Variants in GRIN1 observed in about 807,000 individuals in gnomAD.
GRIN1 encodes glutamate ionotropic receptor NMDA type subunit 1, also known as glutamate receptor ionotropic, NMDA 1.
In GRIN1, 38 loss-of-function variants were observed where a neutral mutation model predicts 103.0. The observed-to-expected ratio is 0.37, with a 90% confidence interval of 0.28 to 0.48. The LOEUF is 0.48. GRIN1 is among the 20% of genes least tolerant of loss of function. The probability of loss-of-function intolerance (pLI) is 0.98; values close to 1 mark genes in which losing one functional copy is unlikely to be tolerated. For synonymous variants in GRIN1, 544 were observed against 532.7 expected (o/e 1.02, Z -0.29); for missense variants, 577 against 1,288.9 (o/e 0.45, Z 8.46).
At chr9:137,164,073 G>A (rs1465128798) in intron 18 of GRIN1, 169 bp downstream of exon 18, 21 of 816,692 alleles carry the variant, frequency 2.6e-5, no homozygotes, top group Non-Finnish European at 3.9e-5. Flanking sequence ...GGGCAGCACC[G>A]GTGGGGGGCT....
chr9:137,156,117 G>A lies in GRIN1; in HGVS notation c.672-552G>A, dbSNP rs555729800. 3.3e-5 allele frequency among the ~76,000 whole-genome samples: 5 copies of A among 152,284 alleles called. No homozygotes were observed. In the East Asian group the frequency reaches 5.8e-4, roughly 18 times the overall value. On this transcript the variant is annotated intron_variant, in intron 4 of 19. Transcript: ENST00000371561. ...ACTCTTGTGTGTCCCATGTGCCTCC[G>A]CTTCCCCTCGGGACACAGAGATATT...
At chr9:137,156,391 C>A (rs550247010) in intron 4 of GRIN1, among the ~76,000 whole-genome samples, 78 of 96,468 alleles carry the variant, frequency 8.1e-4, no homozygotes, top group South Asian at 1.8e-3. Context: ...CCTGCTCCCC[C>A]AAGGTAAGGG....
chr9:137,158,334 AG>A, intron 6 of GRIN1, 44 bp from the exon 7 acceptor site: 1 of 1,604,650 alleles, frequency 6.2e-7, no homozygotes, highest in Non-Finnish European at 8.5e-7. Context: ...GAGGAGCAGG[AG>A]AAGGAGCATC....
chr9:137,140,027 G>A (rs559634702), intron 1 of GRIN1, among the ~76,000 whole-genome samples: 1 of 152,082 alleles, frequency 6.6e-6, no homozygotes, highest in Non-Finnish European at 1.5e-5. Flanking sequence ...TGGGGCTGGA[G>A]TGTGTCAGTG....
chr9:137,149,134 A>G, intron 4 of GRIN1, 25 bp downstream of exon 4: 1 of 1,453,182 alleles, frequency 6.9e-7, no homozygotes, highest in South Asian at 1.2e-5. Context: ...GGCCCTACAC[A>G]CTCCACACAG....
chr9:137,168,601 T>A lies in GRIN1; in HGVS notation c.*1074T>A, dbSNP rs1834002211. The A allele has an allele frequency of 3.1e-6, 1 of 319,582 alleles. No homozygotes were observed. Among genetic ancestry groups the A allele is most frequent in the Non-Finnish European group, 5.6e-6 (1 of 177,746 alleles). 19.8% of individuals were successfully genotyped at this position (319,582 alleles called of 1,614,324 possible). On this transcript the variant is annotated 3_prime_UTR_variant, in exon 20 of 20. Coordinates refer to ENST00000371561, the MANE Select transcript of GRIN1 (RefSeq NM_007327.4). ...GGTGCGTGACCGGCCCGCCACCTTG[T>A]ACAGAACCAGCACTCCCAGGGCCCG...
In GRIN1 at chr9:137,150,714, C is replaced by G. The variant is rs1011980525; in HGVS notation, c.671+1605C>G. Among the ~76,000 whole-genome samples, 8 of 146,396 alleles carry G rather than the reference C, an allele frequency of 5.5e-5. No individual in the cohort carries two copies. The East Asian group carries it at 6.3e-4, about 12-fold the overall frequency. ...AAAAAAGACCTGCCCAGGGAAAGCTCTGCCCAGATAAAAGCCCGCCCAGGG... is the reference window on the plus strand; with the variant it reads ...AAAAAAGACCTGCCCAGGGAAAGCTGTGCCCAGATAAAAGCCCGCCCAGGG... On this transcript the variant is annotated intron_variant, in intron 4 of 19. Coordinates refer to ENST00000371561, the MANE Select transcript of GRIN1 (RefSeq NM_007327.4).
chr9:137,156,619 C>A (rs200882217), intron 4 of GRIN1, 50 bp from the exon 5 acceptor site: 1 of 1,583,436 alleles, frequency 6.3e-7, no homozygotes, highest in Non-Finnish European at 8.6e-7. Flanking sequence ...TGCGGAGCGC[C>A]GCGGTGGGAG....
intron 3 of GRIN1, among the ~76,000 whole-genome samples, chr9:137,147,304 A>G (rs930861745): frequency 1.3e-4 from 19 of 151,304 alleles, no homozygotes; most frequent in African/African-American, 4.6e-4. Flanking sequence ...ACACCTGGAC[A>G]CGCACAGGTG....
chr9:137,140,574 C>A (rs1198748798), intron 1 of GRIN1, among the ~76,000 whole-genome samples: 1 of 152,264 alleles, frequency 6.6e-6, no homozygotes, highest in Non-Finnish European at 1.5e-5. Context: ...ATATGCTCAT[C>A]TGCACACATG....
At chr9:137,150,567 CT>C (rs1284832206) in intron 4 of GRIN1, among the ~76,000 whole-genome samples, 2 of 148,346 alleles carry the variant, frequency 1.3e-5, no homozygotes, top group African/African-American at 2.5e-5. Flanking sequence ...GAAAAAAGAC[CT>C]GCCCAGGGAA....
At position 137,154,961 on chromosome 9, in the gene GRIN1, T is replaced by G. The variant is rs553546588; in HGVS notation, c.672-1708T>G. Reference sequence around the variant, plus strand: ...GACCCCAGACCTTCAGCCTGTCATATTTTGGCTCCTCCTTAGTGAAGGTTG... The same window carrying G: ...GACCCCAGACCTTCAGCCTGTCATAGTTTGGCTCCTCCTTAGTGAAGGTTG... On this transcript the variant is annotated intron_variant, in intron 4 of 19. Transcript: ENST00000371561. 1.6e-4 allele frequency among the ~76,000 whole-genome samples: 25 copies of G among 152,316 alleles called. No homozygotes were observed. In the South Asian group the frequency reaches 4.3e-3, roughly 27 times the overall value.
At chr9:137,160,485 A>G (rs1011370580) in intron 8 of GRIN1, among the ~76,000 whole-genome samples, 1 of 151,832 alleles carries the variant, frequency 6.6e-6, no homozygotes, top group Non-Finnish European at 1.5e-5. Context: ...GCTGGAGTGC[A>G]GTGGCGCGGT....
chr9:137,163,118 G>C (rs779783839), intron 15 of GRIN1, 51 bp from the exon 16 acceptor site: 1 of 1,603,676 alleles, frequency 6.2e-7, no homozygotes, highest in Non-Finnish European at 8.5e-7. Context: ...CGGGCGTGGG[G>C]CTTCCAGGCT....
intron 2 of GRIN1, among the ~76,000 whole-genome samples, chr9:137,143,539 C>A (rs146950741): frequency 6.6e-6 from 1 of 152,052 alleles, no homozygotes; most frequent in Non-Finnish European, 1.5e-5. Context: ...GCGGGGGAAA[C>A]GGATGCCCCT....
chr9:137,168,411 CTCCTCCAG>C lies in GRIN1; in HGVS notation c.*885_*892del. Reference sequence around the variant, plus strand: ...AGCGCCTCCCGCCGCCTCGGGCCGCCTCCTCCAGACTCGAGAGGGCTGAGCCCCTCCTC... The same window carrying C: ...AGCGCCTCCCGCCGCCTCGGGCCGCCACTCGAGAGGGCTGAGCCCCTCCTC... On this transcript the variant is annotated 3_prime_UTR_variant, in exon 20 of 20. Coordinates refer to ENST00000371561, the MANE Select transcript of GRIN1 (RefSeq NM_007327.4). 5.1e-6 allele frequency: 1 copy of C among 196,074 alleles called. No homozygotes were observed. Among genetic ancestry groups the C allele is most frequent in the Non-Finnish European group, 1.0e-5 (1 of 98,104 alleles). 12.1% of individuals were successfully genotyped at this position (196,074 alleles called of 1,614,324 possible). A position where few individuals can be genotyped will look rare whatever the true frequency, so the allele number is the denominator to read the frequency against.
Position 137,168,293 on chromosome 9 carries a change from GCACCGCC to G in GRIN1, c.*771_*777del, listed in dbSNP as rs1833986252. 3 of 218,980 alleles carry G rather than the reference GCACCGCC, an allele frequency of 1.4e-5. No homozygotes were observed. The highest frequency in any genetic ancestry group is 7.1e-5 in the African/African-American group (3 of 42,238). 13.6% of individuals were successfully genotyped at this position (218,980 alleles called of 1,614,324 possible). On this transcript the variant is annotated 3_prime_UTR_variant, in exon 20 of 20. Coordinates refer to ENST00000371561, the MANE Select transcript of GRIN1 (RefSeq NM_007327.4). ...AGCTCCACCCTCCCCTCTTCTTGCG[GCACCGCC>G]CACCCACACCCCGTCTGCCCCTTGA...
chr9:137,167,974 GC>G lies in GRIN1; in HGVS notation c.*450del. 1.2e-6 allele frequency: 1 copy of G among 804,180 alleles called. No homozygotes were observed. Among genetic ancestry groups the G allele is most frequent in the Non-Finnish European group, 2.1e-6 (1 of 486,686 alleles). The allele number at this position is 804,180 out of a possible 1,614,324, so 49.8% of individuals were successfully genotyped here. A position where few individuals can be genotyped will look rare whatever the true frequency, so the allele number is the denominator to read the frequency against. On this transcript the variant is annotated 3_prime_UTR_variant, in exon 20 of 20. Coordinates refer to ENST00000371561, the MANE Select transcript of GRIN1 (RefSeq NM_007327.4). ...CCCTGGGCCTCCCGTCCGTCCGCCC[GC>G]CCACCCCGCTGCCTGGCGGGCAGCC...
chr9:137,163,979 C>G (rs986839012), intron 18 of GRIN1, 75 bp downstream of exon 18: 2 of 1,532,278 alleles, frequency 1.3e-6, no homozygotes, highest in East Asian at 4.5e-5. Context: ...CCCCGAAGGC[C>G]GTGGCACTGG....
Sources: allele counts gnomAD v4.1 joint callset (sites outside exome capture counted in the v4.1 genomes callset), GRCh38; gene constraint gnomAD v4.1.1; transcripts MANE v1.5; gene names NCBI Gene and HGNC (gene_info 2026-07-23, HGNC 2026-07-21).